The following TBC1D15 variants were observed in gnomAD, a reference collection of about 807,000 sequenced individuals.
TBC1D15 encodes the protein TBC1 domain family member 15.
Under a neutral mutation model 95.4 loss-of-function variants are expected in TBC1D15, and 39 were observed. The observed-to-expected ratio is 0.41, with a 90% CI of 0.32 to 0.53. The LOEUF (loss-of-function observed/expected upper bound fraction) is 0.53. Ranked by LOEUF, TBC1D15 falls within the 20% of genes least tolerant of loss-of-function variation. TBC1D15 has a pLI of 0.29. For missense variants in TBC1D15, 733 were observed against 794.3 expected (o/e 0.92, Z 0.93); for synonymous variants, 258 against 261.3 (o/e 0.99, Z 0.12).
intron 1 of TBC1D15, among the ~76,000 whole-genome samples, chr12:71,852,558 C>T (rs1888091282): frequency 6.6e-6 from 1 of 152,194 alleles, no homozygotes; most frequent in African/African-American, 2.4e-5. Context: ...GTTCCAGTTT[C>T]AGGTCATTTC....
chr12:71,919,580 T>A (rs182227266), intron 14 of TBC1D15, among the ~76,000 whole-genome samples: 271 of 152,320 alleles, frequency 1.8e-3, no homozygotes, highest in Non-Finnish European at 3.0e-3. Flanking sequence ...AAAAGTGGAT[T>A]ACTTTATGCT....
chr12:71,858,822 G>A (rs1251450119), intron 1 of TBC1D15, among the ~76,000 whole-genome samples: 1 of 152,082 alleles, frequency 6.6e-6, no homozygotes, highest in Non-Finnish European at 1.5e-5. Context: ...CTCCCAAAGT[G>A]TTGGGATTAC....
At chr12:71,850,513 A>G (rs1887521271) in intron 1 of TBC1D15, 1 of 164,248 alleles carries the variant, frequency 6.1e-6, no homozygotes, top group Admixed American at 6.4e-5. Flanking sequence ...CCTGGGCTCA[A>G]GTGATCCTTC....
In TBC1D15 at chr12:71,849,774, T is replaced by A. The variant is rs539554682; in HGVS notation, c.30+9963T>A. 1.8e-3 allele frequency: 1,002 copies of A among 551,980 alleles called. 4 individuals are homozygous for A. The highest frequency in any genetic ancestry group is 3.0e-3 in the Non-Finnish European group (858 of 283,606). 34.2% of individuals were successfully genotyped at this position (551,980 alleles called of 1,614,324 possible). On this transcript the variant is annotated intron_variant, in intron 1 of 16. Coordinates refer to ENST00000485960, the MANE Select transcript of TBC1D15 (RefSeq NM_001146213.3). Reference sequence around the variant, plus strand: ...TCTAGCAACTCTTTCTCATCCAGGATCTCCAAAATTGACTCTGAAAATTTT... The same window carrying A: ...TCTAGCAACTCTTTCTCATCCAGGAACTCCAAAATTGACTCTGAAAATTTT...
In TBC1D15 at chr12:71,917,680, A is replaced by C; in HGVS notation, c.1402-18A>C. 4 of 1,523,548 alleles carry C rather than the reference A, an allele frequency of 2.6e-6. No homozygotes were observed. The highest frequency in any genetic ancestry group is 3.6e-6 in the Non-Finnish European group (4 of 1,102,708). 94.4% of individuals were successfully genotyped at this position (1,523,548 alleles called of 1,614,324 possible). A position where few individuals can be genotyped will look rare whatever the true frequency, so the allele number is the denominator to read the frequency against. On this transcript the variant is annotated intron_variant, in intron 12 of 16. Transcript: ENST00000485960. ...ATATTTATTAAATATTACTTGTAAC[A>C]ATTATTTCCTTTTAAAGCATCAGAA...
In TBC1D15 at chr12:71,849,603, A is replaced by C. The variant is rs1430886732; in HGVS notation, c.30+9792A>C. The C allele has an allele frequency of 8.1e-6, 5 of 616,824 alleles. No individual in the cohort carries two copies. In the Admixed American group the frequency reaches 1.1e-4, roughly 14 times the overall value. 38.2% of individuals were successfully genotyped at this position (616,824 alleles called of 1,614,324 possible). On this transcript the variant is annotated intron_variant, in intron 1 of 16. Transcript: ENST00000485960. Reference sequence around the variant, plus strand: ...AATAATACTTTGTGAATCATCAGTCAGTACCGTAAGCTCCTAAGCTGCATT... The same window carrying C: ...AATAATACTTTGTGAATCATCAGTCCGTACCGTAAGCTCCTAAGCTGCATT...
chr12:71,897,774 A>G (rs1592787761), intron 9 of TBC1D15, 73 bp from the exon 10 acceptor site: 1 of 1,134,172 alleles, frequency 8.8e-7, no homozygotes, highest in East Asian at 2.4e-5. Flanking sequence ...CTGTTTATAG[A>G]AAAACCCAAT....
chr12:71,881,202 C>T lies in TBC1D15; in HGVS notation c.343+595C>T, dbSNP rs180784976. 2.0e-3 allele frequency among the ~76,000 whole-genome samples: 299 copies of T among 152,326 alleles called. 8 individuals carry two copies. The highest frequency in any genetic ancestry group is 4.7e-4 in the Non-Finnish European group (32 of 68,030). On this transcript the variant is annotated intron_variant, in intron 4 of 16. Coordinates refer to ENST00000485960, the MANE Select transcript of TBC1D15 (RefSeq NM_001146213.3). ...TCATAGTCTTTGTACGGTCACAGTG[C>T]AGTGCATCACCTTTTCTACATTTAG...
intron 11 of TBC1D15, among the ~76,000 whole-genome samples, chr12:71,911,601 C>T (rs1241566671): frequency 2.1e-3 from 182 of 86,096 alleles, no homozygotes; most frequent in Admixed American, 2.6e-3. Flanking sequence ...GGAAGGGGAA[C>T]ATCACACTCT....
At chr12:71,871,480 A>G (rs1371756552) in intron 1 of TBC1D15, among the ~76,000 whole-genome samples, 1 of 152,164 alleles carries the variant, frequency 6.6e-6, no homozygotes, top group Non-Finnish European at 1.5e-5. Context: ...GAAAGGATTG[A>G]TTCCTCATTG....
intron 3 of TBC1D15, among the ~76,000 whole-genome samples, chr12:71,878,691 T>A (rs1592747106): frequency 6.6e-6 from 1 of 151,596 alleles, no homozygotes; most frequent in East Asian, 1.9e-4. Flanking sequence ...AATTTTTGTA[T>A]TTTTAGTAGA....
chr12:71,914,102 G>T (rs1361828969), intron 12 of TBC1D15, among the ~76,000 whole-genome samples, 176 bp downstream of exon 12: 5 of 151,784 alleles, frequency 3.3e-5, no homozygotes, highest in Non-Finnish European at 5.9e-5. Flanking sequence ...AATACTGGTG[G>T]TATTTTTAAT....
intron 13 of TBC1D15, 113 bp from the exon 14 acceptor site, chr12:71,918,338 T>C: frequency 7.1e-6 from 4 of 561,310 alleles, no homozygotes; most frequent in Non-Finnish European, 1.2e-5. Flanking sequence ...AGAAGACAAA[T>C]GTATAGGGCC....
chr12:71,873,147 C>T (rs1893047316), intron 3 of TBC1D15, 144 bp downstream of exon 3: 2 of 547,676 alleles, frequency 3.7e-6, no homozygotes, highest in Non-Finnish European at 3.1e-6. Flanking sequence ...GTTGTGCAGC[C>T]ATCCACCAGT....
intron 1 of TBC1D15, among the ~76,000 whole-genome samples, chr12:71,851,002 A>G (rs1887671329): frequency 1.3e-5 from 2 of 151,670 alleles, no homozygotes; most frequent in South Asian, 4.2e-4. Context: ...AAAAAAAAAA[A>G]AAAAAAGAAA....
chr12:71,886,970 CCTCT>C (rs891305849), intron 5 of TBC1D15, among the ~76,000 whole-genome samples: 3 of 151,804 alleles, frequency 2.0e-5, no homozygotes, highest in Admixed American at 6.6e-5. Flanking sequence ...GGTGGTAGCT[CCTCT>C]CTCCTTTTTA....
At chr12:71,895,886 A>T in intron 7 of TBC1D15, 61 bp from the exon 8 acceptor site, 1 of 1,503,370 alleles carries the variant, frequency 6.7e-7, no homozygotes, top group African/African-American at 1.4e-5. Flanking sequence ...TAGTTTCTAT[A>T]TGCCTTTATT....
intron 1 of TBC1D15, among the ~76,000 whole-genome samples, chr12:71,871,620 T>C (rs1892706624): frequency 6.6e-6 from 1 of 152,212 alleles, no homozygotes; most frequent in African/African-American, 2.4e-5. Context: ...TCTTGCAGTA[T>C]TGTCCAGGCT....
intron 5 of TBC1D15, among the ~76,000 whole-genome samples, chr12:71,889,773 T>A (rs1896892286): frequency 6.6e-6 from 1 of 152,208 alleles, no homozygotes; most frequent in East Asian, 1.9e-4. Context: ...GTAGTTTTTC[T>A]GATCCTCTCC....
Sources: gnomAD v4.1 joint callset for allele counts (sites outside exome capture counted in the v4.1 genomes callset) on GRCh38, gnomAD v4.1.1 for gene constraint, MANE v1.5 for transcripts, NCBI Gene and HGNC (gene_info 2026-07-23, HGNC 2026-07-21) for gene names.